The following PALD1 variants were observed in gnomAD, a reference collection of about 807,000 sequenced individuals.
PALD1 encodes phosphatase domain containing paladin 1.
A neutral mutation model predicts 96.0 loss-of-function variants in PALD1; 57 were observed. The ratio of observed to expected loss-of-function variants is 0.59; its 90% CI spans 0.48 to 0.74. The LOEUF is 0.74. Among genes scored for constraint, PALD1 ranks in the 30% least tolerant of loss-of-function variants. PALD1 has a pLI of 0.00. For synonymous variants in PALD1, 464 were observed against 473.6 expected, an observed-to-expected ratio of 0.98 and a Z score of 0.26; for missense variants, 1,063 against 1,143.7, an observed-to-expected ratio of 0.93 and a Z score of 1.02.
intron 1 of PALD1, chr10:70,485,905 C>A: frequency 6.3e-6 from 1 of 159,996 alleles, no homozygotes; most frequent in South Asian, 1.7e-4. Flanking sequence ...AGAGCTTTGC[C>A]GTGTTCTTCA....
the PALD1 span, among the ~76,000 whole-genome samples, chr10:70,466,927 G>T: frequency 6.6e-6 from 1 of 152,138 alleles, no homozygotes; most frequent in Non-Finnish European, 1.5e-5. Flanking sequence ...CACCGTCCTG[G>T]CCTCACCCTC....
intron 1 of PALD1, among the ~76,000 whole-genome samples, chr10:70,517,214 G>T (rs1255407713): frequency 6.6e-6 from 1 of 152,220 alleles, no homozygotes; most frequent in Non-Finnish European, 1.5e-5. Context: ...GCTGATGAAT[G>T]ACGGAGCTCA....
intron 1 of PALD1, among the ~76,000 whole-genome samples, chr10:70,484,698 C>T (rs891325690): frequency 6.6e-6 from 1 of 152,078 alleles, no homozygotes; most frequent in Admixed American, 6.6e-5. Flanking sequence ...GCCACTATGC[C>T]TGGCTAATTT....
At chr10:70,494,605 C>T (rs1028488863) in intron 1 of PALD1, among the ~76,000 whole-genome samples, 6 of 152,204 alleles carry the variant, frequency 3.9e-5, no homozygotes, top group African/African-American at 1.4e-4. Flanking sequence ...AGAAGCTCCC[C>T]TTGTCAGCGG....
intron 1 of PALD1, among the ~76,000 whole-genome samples, chr10:70,521,691 C>T (rs1296927894): frequency 4.2e-5 from 2 of 47,220 alleles, no homozygotes; most frequent in African/African-American, 1.0e-4. Context: ...GCCACCATGC[C>T]CGGCTAATTT....
intron 18 of PALD1, among the ~76,000 whole-genome samples, chr10:70,554,643 C>A (rs1320905413): frequency 6.6e-6 from 1 of 152,022 alleles, no homozygotes; most frequent in Non-Finnish European, 1.5e-5. Context: ...TGACAAAAAC[C>A]AAAGTCAGGG....
At chr10:70,482,907 T>C (rs1050648982) in intron 1 of PALD1, among the ~76,000 whole-genome samples, 19 of 152,170 alleles carry the variant, frequency 1.2e-4, no homozygotes, top group Non-Finnish European at 2.9e-5. Context: ...TACCACGATG[T>C]TATTCTCTCA....
At chr10:70,504,379 T>C (rs10823554) in intron 1 of PALD1, among the ~76,000 whole-genome samples, 15,034 of 152,050 alleles carry the variant, frequency 0.099, 910 homozygotes, top group South Asian at 0.17. Flanking sequence ...ATACAAAAAT[T>C]AGGCATGGTG....
chr10:70,529,208 G>GCGC, intron 2 of PALD1, 21 bp from the exon 3 acceptor site: 1 of 273,318 alleles, frequency 3.7e-6, no homozygotes. Flanking sequence ...TTTCCATTCT[G>GCGC]CCCCCCCCCC....
chr10:70,539,272 C>T lies in PALD1; in HGVS notation c.1725+25C>T, dbSNP rs1218992955. 1 of 1,588,384 alleles carries T rather than the reference C, an allele frequency of 6.3e-7. No homozygotes were observed. The highest frequency in any genetic ancestry group is 8.6e-7 in the Non-Finnish European group (1 of 1,169,000). ...GGTGAGGCCCCCTGCCCTCTAGGCA[C>T]CCCTGCCTCCGAGGCTTCTGGGGAG... On this transcript the variant is annotated intron_variant, in intron 14 of 19. Transcript: ENST00000263563. This position sits in a 1 kb window ranked among gnomAD's most constrained non-coding sequence, Gnocchi z 4.5.
chr10:70,528,240 C>A (rs887524298), intron 2 of PALD1, among the ~76,000 whole-genome samples: 2 of 152,200 alleles, frequency 1.3e-5, no homozygotes, highest in African/African-American at 4.8e-5. Context: ...AGCACTGGAG[C>A]TGTTGTGTCT....
At chr10:70,548,045 C>T (rs1437764311) in intron 18 of PALD1, among the ~76,000 whole-genome samples, 1 of 152,144 alleles carries the variant, frequency 6.6e-6, no homozygotes, top group African/African-American at 2.4e-5. Context: ...GTGGCTCACC[C>T]CTGTAATCCT....
chr10:70,544,683 T>C (rs1847324421), intron 17 of PALD1, among the ~76,000 whole-genome samples: 1 of 151,860 alleles, frequency 6.6e-6, no homozygotes, highest in African/African-American at 2.4e-5. Flanking sequence ...AGGCCAGGAG[T>C]TGGGTTCCCT....
chr10:70,465,150 A>G, the PALD1 span, among the ~76,000 whole-genome samples: 2 of 150,848 alleles, frequency 1.3e-5, no homozygotes, highest in African/African-American at 4.9e-5. Context: ...AATTTTTTGT[A>G]TTTTTAGTAA....
chr10:70,504,480 G>A (rs1013536931), intron 1 of PALD1, among the ~76,000 whole-genome samples: 9 of 152,308 alleles, frequency 5.9e-5, no homozygotes, highest in African/African-American at 1.9e-4. Context: ...CCGAGATCGT[G>A]CCACTGCACT....
At position 70,529,246 on chromosome 10, in the gene PALD1, A is replaced by C; in HGVS notation, c.203A>C (p.Glu68Ala). The change falls in exon 3 of 20, where the codon GAG becomes GCG. Residue 68 changes from glutamate to alanine, a missense_variant. Physicochemically the swap from Glu to Ala is moderately radical, Grantham distance 107 (BLOSUM62 -1). Coordinates refer to ENST00000263563, the MANE Select transcript of PALD1 (RefSeq NM_014431.3). ...CCCCCCAGGTACAACTGCAAGGAGG[A>C]GTTCCAGATCCATGATGAGCTGCTC... ...PVVITYNCKE[E>A]FQIHDELLKA... is the part of the protein sequence containing the mutation. 1.1e-6 allele frequency: 1 copy of C among 927,426 alleles called. No individual in the cohort carries two copies. Among genetic ancestry groups the C allele is most frequent in the Non-Finnish European group, 1.5e-6 (1 of 648,388 alleles). 57.4% of individuals were successfully genotyped at this position (927,426 alleles called of 1,614,324 possible).
At chr10:70,510,704 C>T (rs539825411) in intron 1 of PALD1, among the ~76,000 whole-genome samples, 1 of 152,280 alleles carries the variant, frequency 6.6e-6, no homozygotes, top group South Asian at 2.1e-4. Flanking sequence ...TCAGAAGGCT[C>T]CCTAGAGGGA....
chr10:70,497,713 T>C (rs1202510486), intron 1 of PALD1, among the ~76,000 whole-genome samples: 2 of 151,856 alleles, frequency 1.3e-5, no homozygotes, highest in East Asian at 3.9e-4. Flanking sequence ...ACTACAGGCG[T>C]GTGCCACCAT....
At position 70,538,829 on chromosome 10, in the gene PALD1, C is replaced by T. The variant is rs984322097; in HGVS notation, c.1453-63C>T. The T allele has an allele frequency of 7.7e-6, 11 of 1,429,890 alleles. No homozygotes were observed. The African/African-American group carries it at 1.4e-4, about 18-fold the overall frequency. The allele number at this position is 1,429,890 out of a possible 1,614,324, so 88.6% of individuals were successfully genotyped here. ...ACCCCCCGTCTGCCTTGGGCCAGGT[C>T]CTGACCCTTTCTGCGGCTACAGTCG... On this transcript the variant is annotated intron_variant, in intron 12 of 19. Coordinates refer to ENST00000263563, the MANE Select transcript of PALD1 (RefSeq NM_014431.3).
Sources: gnomAD v4.1 joint callset for allele counts (sites outside exome capture counted in the v4.1 genomes callset) on GRCh38, gnomAD v4.1.1 for gene constraint, Gnocchi (gnomAD v3.1) non-coding constraint, MANE v1.5 for transcripts, NCBI Gene and HGNC (gene_info 2026-07-23, HGNC 2026-07-21) for gene names.